FAT3: variants seen among roughly 807,000 people sequenced by gnomAD.
The protein encoded by FAT3 is FAT atypical cadherin 3.
A neutral mutation model predicts 310.2 loss-of-function variants in FAT3; 95 were observed. The ratio of observed to expected loss-of-function variants is 0.31; its 90% confidence interval spans 0.26 to 0.36. The LOEUF is 0.36. FAT3 is among the 10% of genes least tolerant of loss of function. FAT3 has a pLI of 1.00. For synonymous variants in FAT3, 2,314 were observed against 2,192.9 expected, an observed-to-expected ratio of 1.06 and a Z score of -1.54; for missense variants, 5,408 against 5,715.6, an observed-to-expected ratio of 0.95 and a Z score of 1.74.
Position 92,805,569 on chromosome 11 carries a change from CAA to C in FAT3, c.9093+233_9093+234del, listed in dbSNP as rs34229613. Among the ~76,000 whole-genome samples, 604 of 131,000 alleles carry C rather than the reference CAA, an allele frequency of 4.6e-3. 3 individuals carry two copies. Among genetic ancestry groups the C allele is most frequent in the Non-Finnish European group, 7.3e-3 (446 of 61,476 alleles). 85.9% of individuals were successfully genotyped at this position (131,000 alleles called of 152,430 possible). On this transcript the variant is annotated intron_variant, in intron 11 of 27. Coordinates refer to ENST00000525166, the MANE Select transcript of FAT3 (RefSeq NM_001367949.2). Reference sequence around the variant, plus strand: ...ACCTAATTTTGTACCCTGCCCCCAACAAAAAAAAAAAAAAGAAAGAAACCAAT... The same window carrying C: ...ACCTAATTTTGTACCCTGCCCCCAACAAAAAAAAAAAAGAAAGAAACCAAT...
At chr11:92,559,078 T>C (rs193219940) in intron 3 of FAT3, among the ~76,000 whole-genome samples, 1 of 152,208 alleles carries the variant, frequency 6.6e-6, no homozygotes, top group Non-Finnish European at 1.5e-5. Flanking sequence ...GAAATTGAGA[T>C]TTATGATAAT....
chr11:92,617,171 C>G (rs954462571), intron 3 of FAT3, among the ~76,000 whole-genome samples: 1 of 152,130 alleles, frequency 6.6e-6, no homozygotes, highest in African/African-American at 2.4e-5. Context: ...AGGCTTTGTT[C>G]ATTTCTTTTT....
At chr11:92,301,958 C>T (rs528968628) in intron 1 of FAT3, among the ~76,000 whole-genome samples, 1 of 152,154 alleles carries the variant, frequency 6.6e-6, no homozygotes, top group African/African-American at 2.4e-5. Context: ...CTACTGACAT[C>T]ATACTAATGA....
Position 92,294,316 on chromosome 11 carries a change from T to C in FAT3, c.-17-57780T>C, listed in dbSNP as rs138585514. On this transcript the variant is annotated intron_variant, in intron 1 of 27. Coordinates refer to ENST00000525166, the MANE Select transcript of FAT3 (RefSeq NM_001367949.2). The stretch of plus-strand genomic sequence containing the variant: ...CTTAATTACTTCCATAAAGACCTCA[T>C]CTCCAAATATAGCCACGCTGAGGAT... Among the ~76,000 whole-genome samples, 457 of 152,096 alleles carry C rather than the reference T, an allele frequency of 3.0e-3. 3 individuals are homozygous for C. Among genetic ancestry groups the C allele is most frequent in the African/African-American group, 0.01 (428 of 41,524 alleles).
At chr11:92,599,531 A>G (rs1302151621) in intron 3 of FAT3, among the ~76,000 whole-genome samples, 1 of 152,176 alleles carries the variant, frequency 6.6e-6, no homozygotes, top group Non-Finnish European at 1.5e-5. Flanking sequence ...GCCATATCAG[A>G]AATTGTCTCA....
intron 2 of FAT3, among the ~76,000 whole-genome samples, chr11:92,412,754 T>TATATAC (rs1565296585): frequency 2.1e-5 from 2 of 94,946 alleles, no homozygotes; most frequent in Non-Finnish European, 4.4e-5. Flanking sequence ...TAAATATACA[T>TATATAC]ACATATATAT....
At chr11:92,857,782 G>A (rs2136323730) in intron 20 of FAT3, among the ~76,000 whole-genome samples, 1 of 152,246 alleles carries the variant, frequency 6.6e-6, no homozygotes, top group Non-Finnish European at 1.5e-5. Context: ...CTTCCTTAGA[G>A]TCATCCCCAT....
intron 13 of FAT3, among the ~76,000 whole-genome samples, chr11:92,821,440 T>A (rs914290622): frequency 1.3e-5 from 2 of 152,198 alleles, no homozygotes; most frequent in Non-Finnish European, 2.9e-5. Context: ...GGTCACTGAT[T>A]TAATGTATTT....
chr11:92,281,063 C>T (rs1328795774), intron 1 of FAT3, among the ~76,000 whole-genome samples: 3 of 151,974 alleles, frequency 2.0e-5, no homozygotes, highest in Admixed American at 2.0e-4. Flanking sequence ...ATTAAATATG[C>T]AGTAAGGGAT....
chr11:92,623,247 C>T (rs144658604), intron 3 of FAT3, among the ~76,000 whole-genome samples: 1 of 152,194 alleles, frequency 6.6e-6, no homozygotes, highest in African/African-American at 2.4e-5. Flanking sequence ...ATGCTTCCCC[C>T]AGTGACCTGT....
chr11:92,328,115 C>T (rs1251691569), intron 1 of FAT3, among the ~76,000 whole-genome samples: 3 of 152,142 alleles, frequency 2.0e-5, no homozygotes, highest in Admixed American at 6.6e-5. Flanking sequence ...CTCTCTCATT[C>T]CTTTTTCTTC....
intron 1 of FAT3, among the ~76,000 whole-genome samples, chr11:92,306,578 ATATATT>A (rs1286912021): frequency 7.8e-6 from 1 of 127,944 alleles, no homozygotes; most frequent in Non-Finnish European, 1.6e-5. Flanking sequence ...TATATATTAT[ATATATT>A]TATATTATAT....
At chr11:92,567,535 G>A (rs1591462494) in intron 3 of FAT3, among the ~76,000 whole-genome samples, 1 of 150,420 alleles carries the variant, frequency 6.6e-6, no homozygotes. Context: ...CCCATTACTG[G>A]GTATATACCC....
chr11:92,491,084 AC>A (rs1232765087), intron 2 of FAT3, among the ~76,000 whole-genome samples: 1 of 151,994 alleles, frequency 6.6e-6, no homozygotes, highest in Non-Finnish European at 1.5e-5. Flanking sequence ...TCAAATCTTA[AC>A]GTTTCCCTAT....
In FAT3 at chr11:92,805,337, A is replaced by C. The variant is rs1180936466; in HGVS notation, c.9081A>C (p.Pro3027=). The C allele has an allele frequency of 2.0e-5, 33 of 1,613,058 alleles. No homozygotes were observed. The Admixed American group carries it at 5.5e-4, about 27-fold the overall frequency. Residue 3027 remains proline, a synonymous_variant, in exon 11 of 28, where the codon CCA becomes CCC. Transcript: ENST00000525166. ...TCAGTGATGTGAATGACAATAGCCCAGTGTGTGATCAGGTGAGATTTGGGG... is the reference window on the plus strand; with the variant it reads ...TCAGTGATGTGAATGACAATAGCCCCGTGTGTGATCAGGTGAGATTTGGGG... ...VSVSDVNDNS[P]VCDQVAYTAL...
At chr11:92,558,039 C>T (rs1339961338) in intron 3 of FAT3, among the ~76,000 whole-genome samples, 1 of 152,084 alleles carries the variant, frequency 6.6e-6, no homozygotes, top group African/African-American at 2.4e-5. Context: ...TTTGCTGCTG[C>T]CCCCTGGTTT....
intron 4 of FAT3, among the ~76,000 whole-genome samples, chr11:92,759,694 A>G (rs1391440593): frequency 2.0e-5 from 3 of 152,092 alleles, no homozygotes; most frequent in Non-Finnish European, 4.4e-5. Context: ...TGCAGCTACC[A>G]CACTTCCCGC....
chr11:92,570,813 C>G (rs1955642275), intron 3 of FAT3, among the ~76,000 whole-genome samples: 1 of 151,948 alleles, frequency 6.6e-6, no homozygotes, highest in African/African-American at 2.4e-5. Flanking sequence ...TCTCAAGATT[C>G]TCATTGCTTA....
intron 3 of FAT3, among the ~76,000 whole-genome samples, chr11:92,642,972 C>A (rs557589669): frequency 1.3e-5 from 2 of 152,324 alleles, no homozygotes; most frequent in South Asian, 2.1e-4. Flanking sequence ...ATCCTAGTGA[C>A]CCTGTGAGGT....
Sources: allele counts gnomAD v4.1 joint callset (sites outside exome capture counted in the v4.1 genomes callset), GRCh38; gene constraint gnomAD v4.1.1; transcripts MANE v1.5; gene names NCBI Gene and HGNC (gene_info 2026-07-23, HGNC 2026-07-21).